COA1: variants seen among roughly 807,000 people sequenced by gnomAD.
COA1 encodes cytochrome c oxidase assembly factor 1 homolog.
Under a neutral mutation model 16.0 loss-of-function variants are expected in COA1, and 13 were observed. The observed-to-expected ratio is 0.81, with a 90% CI of 0.53 to 1.29. The LOEUF (loss-of-function observed/expected upper bound fraction) is 1.29. Ranked by LOEUF, COA1 falls within the 50% of genes most tolerant of loss-of-function variation. COA1 has a pLI of 0.00. For missense variants in COA1, 179 were observed against 177.0 expected (o/e 1.01, Z -0.06); for synonymous variants, 65 against 65.7 (o/e 0.99, Z 0.05).
chr7:43,664,542 G>C (rs1005766453), intron 1 of COA1, among the ~76,000 whole-genome samples: 1 of 152,260 alleles, frequency 6.6e-6, no homozygotes, highest in African/African-American at 2.4e-5. Context: ...TCACCTTGTA[G>C]TAATCCCTGT....
chr7:43,698,030 T>C (rs1033029137), intron 1 of COA1, among the ~76,000 whole-genome samples: 8 of 152,170 alleles, frequency 5.3e-5, no homozygotes, highest in Admixed American at 1.3e-4. Flanking sequence ...TCAGACATTT[T>C]ACCAAAACCA....
At chr7:43,728,712 G>C (rs972498164) in intron 1 of COA1, among the ~76,000 whole-genome samples, 1 of 152,184 alleles carries the variant, frequency 6.6e-6, no homozygotes. Flanking sequence ...TAAACGTGCA[G>C]GTGTAAGCGG....
At position 43,608,639 on chromosome 7, in the gene COA1, A is replaced by G. The variant is rs1326636203; in HGVS notation, c.*990T>C. ...GCCAAAGAAAGGAACTCAAAATATG[A>G]TAAGACAGAACTTGAGCTAGATCTT... On this transcript the variant is annotated 3_prime_UTR_variant and NMD_transcript_variant, in exon 7 of 7. Transcript: ENST00000415076. 1.2e-5 allele frequency: 4 copies of G among 346,544 alleles called. No homozygotes were observed. The East Asian group carries it at 1.5e-4, about 13-fold the overall frequency. The allele number at this position is 346,544 out of a possible 1,614,324, so 21.5% of individuals were successfully genotyped here.
chr7:43,611,112 G>A (rs1036740229), intron 6 of COA1, among the ~76,000 whole-genome samples: 5 of 152,172 alleles, frequency 3.3e-5, no homozygotes, highest in African/African-American at 9.7e-5. Context: ...ATGAGACTCC[G>A]TCTCAAAACA....
At position 43,681,094 on chromosome 7, in the gene COA1, AG is replaced by A. The variant is rs1264719403; in HGVS notation, c.-38-32443del. ...ATCAGTATGGCACTTCTCTGTCTTC[AG>A]TATCTGTCATTTTTACCCTCATCAT... is the stretch of plus-strand genomic sequence containing the variant. On this transcript the variant is annotated intron_variant, in intron 1 of 5. Transcript: ENST00000223336. Among the ~76,000 whole-genome samples, 12 of 152,266 alleles carry A rather than the reference AG, an allele frequency of 7.9e-5. 1 individual carries two copies. Among genetic ancestry groups the A allele is most frequent in the Admixed American group, 3.9e-4 (6 of 15,292 alleles).
rs761659929 is a variant in COA1 at position 43,656,701 on chromosome 7, C to CA, written c.-38-8050dup. On this transcript the variant is annotated intron_variant, in intron 1 of 5. Coordinates refer to ENST00000223336, the MANE Select transcript of COA1 (RefSeq NM_018224.4). ...CAGAGCGAGATTCCATCTCAAAAAA[C>CA]AAAAAAACAAAAAGTATTTGAGACA... Among the ~76,000 whole-genome samples, 9 of 151,566 alleles carry CA rather than the reference C, an allele frequency of 5.9e-5. No individual in the cohort carries two copies. The East Asian group carries it at 7.7e-4, about 13-fold the overall frequency.
chr7:43,711,650 C>T (rs189353844), intron 1 of COA1, among the ~76,000 whole-genome samples: 10 of 152,290 alleles, frequency 6.6e-5, no homozygotes, highest in Non-Finnish European at 1.3e-4. Flanking sequence ...TGTACTTACA[C>T]AAACCTAGAT....
At chr7:43,718,391 A>C (rs948548512) in intron 1 of COA1, among the ~76,000 whole-genome samples, 1 of 152,194 alleles carries the variant, frequency 6.6e-6, no homozygotes, top group Non-Finnish European at 1.5e-5. Flanking sequence ...CTTGCTTTCC[A>C]CTTGACATCA....
intron 1 of COA1, among the ~76,000 whole-genome samples, chr7:43,707,639 TTG>T (rs890265286): frequency 1.3e-5 from 2 of 152,264 alleles, no homozygotes; most frequent in African/African-American, 4.8e-5. Flanking sequence ...ATGGATTCTT[TTG>T]TGTGTGGGTT....
intron 1 of COA1, among the ~76,000 whole-genome samples, chr7:43,662,751 T>A (rs137873810): frequency 2.6e-4 from 39 of 152,328 alleles, no homozygotes; most frequent in African/African-American, 8.7e-4. Context: ...AGTTCTCAGT[T>A]TTAATTTCTA....
At position 43,700,467 on chromosome 7, in the gene COA1, G is replaced by A. The variant is rs190505131; in HGVS notation, c.-39+28962C>T. 3.2e-4 allele frequency among the ~76,000 whole-genome samples: 49 copies of A among 151,048 alleles called. No individual in the cohort carries two copies. The East Asian group carries it at 8.7e-3, about 27-fold the overall frequency. On this transcript the variant is annotated intron_variant, in intron 1 of 5. Coordinates refer to ENST00000223336, the MANE Select transcript of COA1 (RefSeq NM_018224.4). ...CATTCCGGCCTGAGATTTCAAATAC[G>A]TTACCATCACAGAAAAAAACTGACA...
intron 1 of COA1, among the ~76,000 whole-genome samples, chr7:43,727,472 C>G (rs1350404749): frequency 6.6e-6 from 1 of 152,112 alleles, no homozygotes; most frequent in Admixed American, 6.5e-5. Flanking sequence ...ACAATCCAAA[C>G]GTCCACTAAC....
chr7:43,723,182 C>T (rs1383066643), intron 1 of COA1, among the ~76,000 whole-genome samples: 1 of 152,188 alleles, frequency 6.6e-6, no homozygotes, highest in African/African-American at 2.4e-5. Flanking sequence ...CCATCCTGTT[C>T]CCAGGATCTG....
At chr7:43,654,751 A>C (rs900316085) in intron 1 of COA1, among the ~76,000 whole-genome samples, 1 of 152,200 alleles carries the variant, frequency 6.6e-6, no homozygotes, top group Non-Finnish European at 1.5e-5. Context: ...ACTAAAAGAA[A>C]ACTTGAAAAA....
chr7:43,619,625 C>T (rs2153005814), intron 6 of COA1: 1 of 1,613,846 alleles, frequency 6.2e-7, no homozygotes, highest in Non-Finnish European at 8.5e-7. Context: ...ACAAGTGAAT[C>T]TCCATTGGGT....
At chr7:43,633,628 T>C (rs1185953665) in intron 6 of COA1, among the ~76,000 whole-genome samples, 2 of 152,160 alleles carry the variant, frequency 1.3e-5, no homozygotes, top group Non-Finnish European at 2.9e-5. Flanking sequence ...AGACACAAAG[T>C]GAGCACAAGC....
intron 1 of COA1, among the ~76,000 whole-genome samples, chr7:43,659,390 A>ATCATTGTTATGTTATG (rs2092193175): frequency 6.6e-6 from 1 of 152,250 alleles, no homozygotes; most frequent in Admixed American, 6.5e-5. Context: ...TGATTTCTAA[A>ATCATTGTTATGTTATG]TCATTAGTCA....
intron 1 of COA1, among the ~76,000 whole-genome samples, chr7:43,706,866 T>C (rs2095001447): frequency 6.9e-6 from 1 of 145,538 alleles, no homozygotes; most frequent in Admixed American, 6.8e-5. Context: ...AAAGACCTTG[T>C]CTCAAAAAAA....
At chr7:43,727,851 G>C (rs1199322729) in intron 1 of COA1, among the ~76,000 whole-genome samples, 1 of 152,310 alleles carries the variant, frequency 6.6e-6, no homozygotes, top group Non-Finnish European at 1.5e-5. Flanking sequence ...ATAACTTATT[G>C]GAGTCTGTCT....
Sources: gnomAD v4.1 joint callset for allele counts (sites outside exome capture counted in the v4.1 genomes callset) on GRCh38, gnomAD v4.1.1 for gene constraint, MANE v1.5 for transcripts, NCBI Gene and HGNC (gene_info 2026-07-23, HGNC 2026-07-21) for gene names.